The following FBXL18 variants were observed in gnomAD, a reference collection of about 807,000 sequenced individuals.
FBXL18 encodes the protein F-box/LRR-repeat protein 18.
A neutral mutation model predicts 46.0 loss-of-function variants in FBXL18; 36 were observed. That is an observed-to-expected ratio of 0.78 (90% CI 0.60 to 1.03). The LOEUF (loss-of-function observed/expected upper bound fraction) is 1.03, where lower values mean the gene tolerates loss of function less well. FBXL18 is among the 50% of genes least tolerant of loss of function. The probability of loss-of-function intolerance (pLI) is 0.00; values close to 1 mark genes in which losing one functional copy is unlikely to be tolerated. For synonymous variants in FBXL18, 557 were observed against 465.3 expected, an observed-to-expected ratio of 1.20 and a Z score of -2.54; for missense variants, 977 against 1,004.1, an observed-to-expected ratio of 0.97 and a Z score of 0.36.
intron 3 of FBXL18, among the ~76,000 whole-genome samples, chr7:5,493,050 T>G (rs4341075): frequency 0.97 from 147,983 of 152,274 alleles, 71,939 homozygotes; most frequent in East Asian, 1. Context: ...AAAGACCAAG[T>G]CACGGCGGGC....
chr7:5,455,860 T>C lies in FBXL18; in HGVS notation c.2001-8017A>G, dbSNP rs1338052729. Among the ~76,000 whole-genome samples the C allele has an allele frequency of 1.3e-5, 2 of 151,034 alleles. No individual in the cohort carries two copies. The highest frequency in any genetic ancestry group is 2.1e-4 in the South Asian group (1 of 4,760). ...CTCTTCTCCATATGACCCCAGCCAA[T>C]GAGCGGGCGAGACCTGGCCATCTCT... On this transcript the variant is annotated intron_variant and NMD_transcript_variant, in intron 4 of 6. Coordinates refer to the FBXL18 transcript ENST00000415009. The surrounding 1 kb of genome is among the most constrained non-coding windows in gnomAD (Gnocchi z 4.6).
intron 4 of FBXL18, among the ~76,000 whole-genome samples, chr7:5,485,579 T>C (rs1783750506): frequency 6.6e-6 from 1 of 151,986 alleles, no homozygotes; most frequent in Admixed American, 6.6e-5. Context: ...TCTGGGAAGC[T>C]GAGGTGGGAA....
At chr7:5,460,112 A>G (rs1463380218) in intron 4 of FBXL18, among the ~76,000 whole-genome samples, 1 of 151,548 alleles carries the variant, frequency 6.6e-6, no homozygotes, top group Non-Finnish European at 1.5e-5. Flanking sequence ...AAATAAGCCA[A>G]GTGTTGTGGT....
chr7:5,459,090 C>T (rs1783210041), intron 4 of FBXL18, among the ~76,000 whole-genome samples: 1 of 152,230 alleles, frequency 6.6e-6, no homozygotes, highest in South Asian at 2.1e-4. Flanking sequence ...GAAGTCGAGG[C>T]TGCAGTGAGA....
chr7:5,469,867 AGTGT>A (rs1783401022), intron 4 of FBXL18, among the ~76,000 whole-genome samples: 1 of 149,240 alleles, frequency 6.7e-6, no homozygotes, highest in East Asian at 2.0e-4. Context: ...TATGAGCCTG[AGTGT>A]GAGTGTGCAG....
In FBXL18 at chr7:5,513,555, C is replaced by A. The variant is rs534072966; in HGVS notation, c.18+102G>T. On this transcript the variant is annotated intron_variant, in intron 1 of 4. Coordinates refer to ENST00000382368, the MANE Select transcript of FBXL18 (RefSeq NM_024963.6). ...GGGAAGGACGGGGCGGGGTAGGGGT[C>A]GGGATAGAAAGGATGCAAGGGAACC... The A allele has an allele frequency of 3.0e-6, 4 of 1,336,736 alleles. No individual in the cohort carries two copies. The East Asian group carries it at 7.4e-5, about 25-fold the overall frequency. 82.8% of individuals were successfully genotyped at this position (1,336,736 alleles called of 1,614,324 possible). A position where few individuals can be genotyped will look rare whatever the true frequency, so the allele number is the denominator to read the frequency against.
chr7:5,511,210 G>GT (rs1212142969), intron 1 of FBXL18, among the ~76,000 whole-genome samples: 6 of 152,122 alleles, frequency 3.9e-5, no homozygotes, highest in African/African-American at 1.2e-4. Flanking sequence ...GCCAAGGCAG[G>GT]TGGATTATGA....
intron 1 of FBXL18, among the ~76,000 whole-genome samples, chr7:5,506,409 C>T (rs1784396796): frequency 6.6e-6 from 1 of 151,788 alleles, no homozygotes; most frequent in Non-Finnish European, 1.5e-5. Context: ...CCACCACGCC[C>T]ACGCCCGGCT....
chr7:5,475,778 G>A (rs1218569035), downstream of FBXL18: 2 of 152,202 alleles, frequency 1.3e-5, no homozygotes, highest in Admixed American at 1.3e-4. The surrounding 1 kb of genome is among the most constrained non-coding windows in gnomAD (Gnocchi z 4.2). Context: ...ATCCGTGCTG[G>A]AAGGACCACA....
rs755898336 is a variant in FBXL18, at chr7:5,455,427, G to A, written c.2001-7584C>T. 1.6e-4 allele frequency among the ~76,000 whole-genome samples: 24 copies of A among 152,222 alleles called. 1 individual carries two copies. The highest frequency in any genetic ancestry group is 5.9e-4 in the Admixed American group (9 of 15,288). ...TACTCTTGGGGAGCCTATCTGGGGA[G>A]TAGCATCAAGGAGCACTCTCGTGGG... On this transcript the variant is annotated intron_variant and NMD_transcript_variant, in intron 4 of 6. Transcript: ENST00000415009. This position sits in a 1 kb window ranked among gnomAD's most constrained non-coding sequence, Gnocchi z 4.6.
At chr7:5,508,092 C>G (rs1248667957) in intron 1 of FBXL18, among the ~76,000 whole-genome samples, 1 of 151,996 alleles carries the variant, frequency 6.6e-6, no homozygotes, top group African/African-American at 2.4e-5. Context: ...ATAGTGAAAC[C>G]CCATCTCTAC....
chr7:5,491,180 T>A (rs772336714), intron 4 of FBXL18, 51 bp downstream of exon 4: 19 of 1,508,532 alleles, frequency 1.3e-5, no homozygotes, highest in Non-Finnish European at 9.1e-7. Flanking sequence ...GGTCACGGGA[T>A]GCTGGTGATT....
At position 5,513,636 on chromosome 7, in the gene FBXL18, G is replaced by A. The variant is rs761697769; in HGVS notation, c.18+21C>T. 1.7e-5 allele frequency: 27 copies of A among 1,612,142 alleles called. No homozygotes were observed. The South Asian group carries it at 2.9e-4, about 17-fold the overall frequency. ...GAGGCCGCCGAGGCAGAAGCAGAGC[G>A]GAGACAGTCGCGGACAGTACCTCTC... On this transcript the variant is annotated intron_variant, in intron 1 of 4. Coordinates refer to ENST00000382368, the MANE Select transcript of FBXL18 (RefSeq NM_024963.6).
At chr7:5,463,716 A>ATATATATT (rs1562672225) in intron 4 of FBXL18, among the ~76,000 whole-genome samples, 3 of 61,416 alleles carry the variant, frequency 4.9e-5, no homozygotes, top group African/African-American at 6.6e-5. Context: ...TTATTTATTT[A>ATATATATT]TTTATTTATT....
At chr7:5,502,432 G>A (rs1338124524) in intron 2 of FBXL18, among the ~76,000 whole-genome samples, 2 of 152,136 alleles carry the variant, frequency 1.3e-5, no homozygotes, top group East Asian at 3.9e-4. Flanking sequence ...CTACTCCAGA[G>A]GCGAAGGCAG....
rs1584253365 is a variant in FBXL18 at position 5,513,797 on chromosome 7, TC to T, written c.-124del. On this transcript the variant is annotated 5_prime_UTR_variant, in exon 1 of 5. Transcript: ENST00000382368. Reference sequence around the variant, plus strand: ...ACCGAGACCCCGGCAAGGAGCGGGCTCTCGTCACTTCCGGCGCCCGCCTACA... The same window carrying T: ...ACCGAGACCCCGGCAAGGAGCGGGCTTCGTCACTTCCGGCGCCCGCCTACA... 5.9e-6 allele frequency: 8 copies of T among 1,356,332 alleles called. No individual in the cohort carries two copies. The East Asian group carries it at 1.0e-4, about 17-fold the overall frequency. The allele number at this position is 1,356,332 out of a possible 1,614,324, so 84.0% of individuals were successfully genotyped here.
downstream of FBXL18, among the ~76,000 whole-genome samples, chr7:5,474,686 T>TTTTA (rs57021114): frequency 0.052 from 2,033 of 39,362 alleles, 26 homozygotes; most frequent in Admixed American, 0.094. Context: ...GCACTTTATT[T>TTTTA]TTTATTTATT....
At position 5,496,362 on chromosome 7, in the gene FBXL18, T is replaced by G. The variant is rs188919779; in HGVS notation, c.1781+4126A>C. Among the ~76,000 whole-genome samples, 678 of 152,326 alleles carry G rather than the reference T, an allele frequency of 4.5e-3. 6 individuals carry two copies. Among genetic ancestry groups the G allele is most frequent in the Middle Eastern group, 0.017 (5 of 294 alleles). On this transcript the variant is annotated intron_variant, in intron 3 of 4. Coordinates refer to ENST00000382368, the MANE Select transcript of FBXL18 (RefSeq NM_024963.6). This position sits in a 1 kb window ranked among gnomAD's most constrained non-coding sequence, Gnocchi z 4.8. ...CGGAACACCCCCTCCCTCCGGCCAG[T>G]GCCTCCCTTGCTGACAGCCTCTGCT... is the stretch of plus-strand genomic sequence containing the variant.
At chr7:5,487,893 C>G (rs924329771) in intron 4 of FBXL18, among the ~76,000 whole-genome samples, 1 of 152,236 alleles carries the variant, frequency 6.6e-6, no homozygotes, top group African/African-American at 2.4e-5. Context: ...CACAGAGGGA[C>G]TGGCACAGAG....
Sources: gnomAD v4.1 joint callset for allele counts (sites outside exome capture counted in the v4.1 genomes callset) on GRCh38, gnomAD v4.1.1 for gene constraint, Gnocchi (gnomAD v3.1) non-coding constraint, MANE v1.5 for transcripts, NCBI Gene and HGNC (gene_info 2026-07-23, HGNC 2026-07-21) for gene names.